Variants in ZNF585A observed in about 807,000 individuals in gnomAD.
ZNF585A encodes zinc finger protein 585A.
ZNF585A carries 9 observed loss-of-function variants against 14.9 expected under a neutral mutation model. The observed-to-expected ratio is 0.60, with a 90% CI of 0.36 to 1.05. The LOEUF (loss-of-function observed/expected upper bound fraction) is 1.05. ZNF585A is among the 50% of genes least tolerant of loss of function. ZNF585A has a pLI of 0.01. For missense variants in ZNF585A, 726 were observed against 926.4 expected, an observed-to-expected ratio of 0.78 and a Z score of 2.81; for synonymous variants, 276 against 319.9, an observed-to-expected ratio of 0.86 and a Z score of 1.46.
rs778868966 is a variant in ZNF585A, at chr19:37,152,862, T to G, written c.1037A>C (p.Lys346Thr). The change falls in exon 5 of 5, where the codon AAA (lysine) becomes ACA (threonine). Residue 346 changes from lysine to threonine, a missense_variant. Transcript: ENST00000292841. ...SNNSNLVTHKKVQSREKSSIC... is the reference protein window; with the variant it reads ...SNNSNLVTHKTVQSREKSSIC... ...GGAAGATTTCTCTCTACTTTGAACT[T>G]TCTTATGTGTAACGAGGTTGGAATT... 1.2e-6 allele frequency: 2 copies of G among 1,614,092 alleles called. No individual in the cohort carries two copies. Among genetic ancestry groups the G allele is most frequent in the African/African-American group, 2.7e-5 (2 of 74,928 alleles).
intron 2 of ZNF585A, among the ~76,000 whole-genome samples, chr19:37,159,136 C>T (rs1971974026): frequency 6.6e-6 from 1 of 151,214 alleles, no homozygotes; most frequent in South Asian, 2.1e-4. Flanking sequence ...ATAATCCCAG[C>T]TACCCAGGAG....
At chr19:37,156,169 C>G (rs2145402776) in intron 3 of ZNF585A, 60 bp downstream of exon 3, 4 of 1,597,274 alleles carry the variant, frequency 2.5e-6, no homozygotes, top group Non-Finnish European at 3.4e-6. Flanking sequence ...CATTCACCAA[C>G]TGAGAATGAA....
intron 1 of ZNF585A, among the ~76,000 whole-genome samples, chr19:37,171,858 G>A (rs1972187318): frequency 6.6e-6 from 1 of 151,664 alleles, no homozygotes; most frequent in South Asian, 2.1e-4. Context: ...AGCTGAGATC[G>A]CGCCACTGCA....
At position 37,149,059 on chromosome 19, in the gene ZNF585A, T is replaced by C. The variant is rs1255550058; in HGVS notation, c.*2530A>G. 1 of 152,110 alleles carries C rather than the reference T, an allele frequency of 6.6e-6. No homozygotes were observed. Among genetic ancestry groups the C allele is most frequent in the Non-Finnish European group, 1.5e-5 (1 of 68,010 alleles). 9.4% of individuals were successfully genotyped at this position (152,110 alleles called of 1,614,324 possible). ...AGTGAAACTACTCTGTGTATAACAG[T>C]GGAAACATGCCATGATCCACTTGCT... On this transcript the variant is annotated 3_prime_UTR_variant, in exon 5 of 5. Transcript: ENST00000292841.
intron 2 of ZNF585A, among the ~76,000 whole-genome samples, chr19:37,161,766 TTAA>T (rs1308561756): frequency 6.6e-6 from 1 of 152,206 alleles, no homozygotes; most frequent in East Asian, 1.9e-4. Flanking sequence ...TTTGATTTTC[TTAA>T]TAACATTTTT....
intron 2 of ZNF585A, among the ~76,000 whole-genome samples, chr19:37,158,447 T>C (rs1408483738): frequency 6.6e-6 from 1 of 152,202 alleles, no homozygotes; most frequent in African/African-American, 2.4e-5. Flanking sequence ...TGAAGTATTC[T>C]TGCCAAAAAA....
intron 4 of ZNF585A, 87 bp from the exon 5 acceptor site, chr19:37,153,693 A>G (rs1971878544): frequency 1.7e-6 from 2 of 1,173,460 alleles, no homozygotes; most frequent in African/African-American, 1.5e-5. Context: ...TATTTTTATT[A>G]TGACTGTATA....
chr19:37,161,649 C>T (rs1972015222), intron 2 of ZNF585A, among the ~76,000 whole-genome samples: 1 of 152,170 alleles, frequency 6.6e-6, no homozygotes, highest in South Asian at 2.1e-4. Context: ...ACCAAACTCT[C>T]CTTTTCCTCC....
chr19:37,167,399 T>A (rs1972109335), intron 2 of ZNF585A, among the ~76,000 whole-genome samples: 1 of 151,956 alleles, frequency 6.6e-6, no homozygotes, highest in South Asian at 2.1e-4. Context: ...GGTCTCGAAC[T>A]CCTGACCTCA....
chr19:37,161,042 G>T (rs1005692094), intron 2 of ZNF585A, among the ~76,000 whole-genome samples: 2 of 151,856 alleles, frequency 1.3e-5, no homozygotes, highest in Admixed American at 1.3e-4. Context: ...TTTTACCAAA[G>T]AATTCTATCG....
Position 37,170,074 on chromosome 19 carries a change from A to G in ZNF585A, c.-144-20T>C, listed in dbSNP as rs1972157858. The stretch of plus-strand genomic sequence containing the variant: ...AGAAACCTGGAAAGACAATGTTCCC[A>G]TAGTCAGTCATTTCACATTCAACAC... On this transcript the variant is annotated intron_variant, in intron 1 of 4. Coordinates refer to ENST00000292841, the MANE Select transcript of ZNF585A (RefSeq NM_001288800.2). 2 of 701,994 alleles carry G rather than the reference A, an allele frequency of 2.8e-6. No individual in the cohort carries two copies. Among genetic ancestry groups the G allele is most frequent in the African/African-American group, 1.8e-5 (1 of 55,928 alleles). 43.5% of individuals were successfully genotyped at this position (701,994 alleles called of 1,614,324 possible).
intron 4 of ZNF585A, among the ~76,000 whole-genome samples, chr19:37,154,464 T>A (rs1302585723): frequency 2.6e-5 from 4 of 152,278 alleles, no homozygotes; most frequent in Non-Finnish European, 4.4e-5. Context: ...AGACTCATGA[T>A]GATAGTGTGT....
rs749021932 is a variant in ZNF585A at position 37,155,956 on chromosome 19, T to G, written c.201A>C (p.Gly67=). ...CCACCTCTGCTTCAGGAACTTGATA[T>G]CCTGTTCATGGGAAATGATAAAGGT... ...LETYSHLLSV[G]YQVPEAEVVM... The change falls in exon 4 of 5, where the codon GGA becomes GGC. Residue 67 remains glycine, a splice_region_variant and synonymous_variant. Transcript: ENST00000292841. The G allele has an allele frequency of 6.2e-7, 1 of 1,613,756 alleles. No homozygotes were observed. The highest frequency in any genetic ancestry group is 8.5e-7 in the Non-Finnish European group (1 of 1,180,018).
Position 37,155,616 on chromosome 19 carries a change from C to T in ZNF585A, c.292+249G>A, listed in dbSNP as rs137988153. ...GTTGTAGTGAGCTGGGATCATGCCACTGCACTCCAGCCTGGGCAACACAGC... is the reference window on the plus strand; with the variant it reads ...GTTGTAGTGAGCTGGGATCATGCCATTGCACTCCAGCCTGGGCAACACAGC... On this transcript the variant is annotated intron_variant, in intron 4 of 4. Coordinates refer to ENST00000292841, the MANE Select transcript of ZNF585A (RefSeq NM_001288800.2). 5.3e-5 allele frequency among the ~76,000 whole-genome samples: 8 copies of T among 152,146 alleles called. No homozygotes were observed. In the East Asian group the frequency reaches 1.4e-3, roughly 26 times the overall value.
Position 37,153,405 on chromosome 19 carries a change from T to C in ZNF585A, c.494A>G (p.Lys165Arg). Residue 165 changes from lysine to arginine, a missense_variant, in exon 5 of 5, where the codon AAG (lysine) becomes AGG (arginine). This residue lies in a region of ZNF585A where 483 missense variants were observed against 542.8 expected (regional missense o/e 0.89). Coordinates refer to ENST00000292841, the MANE Select transcript of ZNF585A (RefSeq NM_001288800.2). ...AAATTCTGGCTTCTGTACAAAAGCC[T>C]TCCCACATTCAATGCATACATAGAG... The part of the protein sequence containing the change: ...EKLYVCIECG[K>R]AFVQKPEFII... The C allele has an allele frequency of 6.2e-7, 1 of 1,614,108 alleles. No homozygotes were observed. Among genetic ancestry groups the C allele is most frequent in the Non-Finnish European group, 8.5e-7 (1 of 1,180,012 alleles).
intron 2 of ZNF585A, 99 bp from the exon 3 acceptor site, chr19:37,156,454 T>C (rs1034754478): frequency 1.4e-6 from 2 of 1,415,520 alleles, no homozygotes; most frequent in Admixed American, 5.3e-5. Flanking sequence ...GTTTTAAATT[T>C]ACATTCTCTT....
intron 2 of ZNF585A, among the ~76,000 whole-genome samples, chr19:37,168,796 G>GTAAA (rs1312184478): frequency 6.6e-6 from 1 of 152,138 alleles, no homozygotes; most frequent in Non-Finnish European, 1.5e-5. Context: ...AATATGAGCT[G>GTAAA]TATTTTACCA....
chr19:37,172,267 A>C (rs999238174), intron 1 of ZNF585A: 3 of 152,240 alleles, frequency 2.0e-5, no homozygotes, highest in African/African-American at 7.2e-5. Context: ...AGATTTGAAC[A>C]ATTTTTAATA....
At chr19:37,154,748 C>T (rs1971895909) in intron 4 of ZNF585A, among the ~76,000 whole-genome samples, 1 of 128,712 alleles carries the variant, frequency 7.8e-6, no homozygotes, top group African/African-American at 3.0e-5. Context: ...CTGCAGAAAA[C>T]AAAAAGAGAG....
Sources: gnomAD v4.1 joint callset for allele counts (sites outside exome capture counted in the v4.1 genomes callset) on GRCh38, gnomAD v4.1.1 for gene constraint, gnomAD v4.1.1 regional missense constraint, MANE v1.5 for transcripts, NCBI Gene and HGNC (gene_info 2026-07-23, HGNC 2026-07-21) for gene names.